The following ANO1 variants were observed in gnomAD, a reference collection of about 807,000 sequenced individuals.
The protein encoded by ANO1 is anoctamin 1, also known as anoctamin-1.
In ANO1, 59 loss-of-function variants were observed where a neutral mutation model predicts 124.0. The ratio of observed to expected loss-of-function variants is 0.48; its 90% CI spans 0.39 to 0.59. The LOEUF is 0.59. Among genes scored for constraint, ANO1 ranks in the 20% least tolerant of loss-of-function variants. The pLI, the probability that ANO1 is intolerant of heterozygous loss-of-function variation, is 0.00. For synonymous variants in ANO1, 529 were observed against 532.0 expected, an observed-to-expected ratio of 0.99 and a Z score of 0.08; for missense variants, 1,059 against 1,328.0, an observed-to-expected ratio of 0.80 and a Z score of 3.15.
At chr11:70,027,199 T>C (rs1352936010) in intron 1 of ANO1, among the ~76,000 whole-genome samples, 1 of 152,178 alleles carries the variant, frequency 6.6e-6, no homozygotes, top group Admixed American at 6.5e-5. Context: ...ATAAACTCAT[T>C]GTAAGTTGAA....
chr11:70,126,913 A>G (rs1422596518), intron 10 of ANO1, among the ~76,000 whole-genome samples: 28 of 65,996 alleles, frequency 4.2e-4, no homozygotes, highest in East Asian at 1.1e-3. Context: ...AGGCCTCGGT[A>G]CAGGCTGGTG....
rs1209961671 is a variant in ANO1 at position 70,031,648 on chromosome 11, G to A, written c.58+45482G>A. 2.3e-4 allele frequency among the ~76,000 whole-genome samples: 35 copies of A among 151,840 alleles called. 1 individual carries two copies. The highest frequency in any genetic ancestry group is 2.2e-3 in the Admixed American group (34 of 15,214). ...GGGAGGGACCTCGTGCCCAAGCCAG[G>A]GGGATGAGGGTACAGAGATGAGCAG... is the stretch of plus-strand genomic sequence containing the variant. On this transcript the variant is annotated intron_variant, in intron 1 of 27. Transcript: ENST00000531349.
chr11:70,105,911 T>C, intron 5 of ANO1, 123 bp downstream of exon 5: 1 of 1,049,996 alleles, frequency 9.5e-7, no homozygotes, highest in Non-Finnish European at 1.4e-6. Context: ...GTGACAGAAA[T>C]AATTAGAATA....
the ANO1 span, among the ~76,000 whole-genome samples, chr11:69,977,791 G>A: frequency 1.3e-5 from 2 of 152,244 alleles, no homozygotes; most frequent in Non-Finnish European, 2.9e-5. Context: ...TGAAGACAGG[G>A]GCAGAGGCTG....
chr11:70,136,616 G>C (rs1385091330), intron 11 of ANO1, among the ~76,000 whole-genome samples: 1 of 147,464 alleles, frequency 6.8e-6, no homozygotes, highest in African/African-American at 2.4e-5. Flanking sequence ...AGGGCCCAGG[G>C]AGAGTCAGGA....
At chr11:70,132,593 T>C (rs568189077) in intron 11 of ANO1, among the ~76,000 whole-genome samples, 68 of 152,336 alleles carry the variant, frequency 4.5e-4, no homozygotes, top group African/African-American at 1.6e-3. Flanking sequence ...CAGCTCCTGA[T>C]TGCCACTGGG....
intron 22 of ANO1, among the ~76,000 whole-genome samples, chr11:70,179,740 G>A (rs2048863242): frequency 6.6e-6 from 1 of 152,230 alleles, no homozygotes; most frequent in Non-Finnish European, 1.5e-5. Flanking sequence ...GGGAGATTGT[G>A]CAGAACCACT....
intron 1 of ANO1, among the ~76,000 whole-genome samples, chr11:70,032,784 G>A (rs1457736541): frequency 6.6e-6 from 1 of 152,064 alleles, no homozygotes; most frequent in Non-Finnish European, 1.5e-5. Flanking sequence ...AGATGATGCA[G>A]GTTCTTTGTA....
chr11:70,113,672 G>A (rs1468778035), intron 7 of ANO1, among the ~76,000 whole-genome samples: 1 of 152,082 alleles, frequency 6.6e-6, no homozygotes, highest in African/African-American at 2.4e-5. Context: ...CTGAGGCACC[G>A]AAGCCAAAAT....
At chr11:70,051,063 T>A (rs1236984859) in intron 1 of ANO1, among the ~76,000 whole-genome samples, 1 of 152,206 alleles carries the variant, frequency 6.6e-6, no homozygotes, top group African/African-American at 2.4e-5. Context: ...GTACAGATCA[T>A]AATTTTACAG....
intron 1 of ANO1, among the ~76,000 whole-genome samples, chr11:70,036,161 C>T (rs1857090194): frequency 6.6e-6 from 1 of 152,156 alleles, no homozygotes; most frequent in Non-Finnish European, 1.5e-5. Flanking sequence ...GCCAATCAGG[C>T]CACACTCCCT....
At chr11:69,991,064 C>T (rs782132888) in intron 1 of ANO1, among the ~76,000 whole-genome samples, 7 of 152,148 alleles carry the variant, frequency 4.6e-5, no homozygotes, top group Non-Finnish European at 1.0e-4. Context: ...TGATCTACCC[C>T]GATGTTTTCC....
At chr11:70,022,600 C>T (rs1317633357) in intron 1 of ANO1, among the ~76,000 whole-genome samples, 7 of 132,028 alleles carry the variant, frequency 5.3e-5, no homozygotes, top group Middle Eastern at 3.6e-3. Flanking sequence ...AGTGAGACTC[C>T]ATCTCAAAAA....
At chr11:70,038,887 A>G (rs1167207575) in intron 1 of ANO1, among the ~76,000 whole-genome samples, 1 of 152,188 alleles carries the variant, frequency 6.6e-6, no homozygotes, top group African/African-American at 2.4e-5. Context: ...TGAGTGTGAG[A>G]GGAGTGTGTA....
chr11:69,988,312 T>C (rs782650987), intron 1 of ANO1, among the ~76,000 whole-genome samples: 3 of 152,094 alleles, frequency 2.0e-5, no homozygotes, highest in Non-Finnish European at 4.4e-5. Flanking sequence ...GAGCCCCAAT[T>C]CTAGAGCCAG....
Position 70,088,034 on chromosome 11 carries a change from T to C in ANO1, c.391T>C (p.Tyr131His). 6.8e-7 allele frequency: 1 copy of C among 1,469,922 alleles called. No individual in the cohort carries two copies. Among genetic ancestry groups the C allele is most frequent in the Non-Finnish European group, 9.0e-7 (1 of 1,111,892 alleles). The allele number at this position is 1,469,922 out of a possible 1,614,324, so 91.1% of individuals were successfully genotyped here. ...TGACAAGCGCTTCCGCAGGGAGGAG[T>C]ACGAGGGCAACCTCCTGGAGGCGGG... ...EDDKRFRREEYEGNLLEAGLE... is the reference protein window; with the variant it reads ...EDDKRFRREEHEGNLLEAGLE... The change falls in exon 2 of 26, where the codon TAC (tyrosine) becomes CAC (histidine). Residue 131 changes from tyrosine to histidine, a missense_variant. Coordinates refer to ENST00000355303, the MANE Select transcript of ANO1 (RefSeq NM_018043.7).
chr11:70,111,832 C>G (rs1387962926), intron 7 of ANO1, 70 bp downstream of exon 7: 31 of 1,506,952 alleles, frequency 2.1e-5, no homozygotes, highest in South Asian at 6.8e-5. Context: ...GCCACACCCC[C>G]CCGGGAGCTG....
chr11:70,052,832 C>T (rs1452740393), intron 1 of ANO1, among the ~76,000 whole-genome samples: 1 of 152,022 alleles, frequency 6.6e-6, no homozygotes, highest in African/African-American at 2.4e-5. Flanking sequence ...TGGGCTTAAG[C>T]CACTGCGCCC....
chr11:69,978,377 C>T, the ANO1 span, among the ~76,000 whole-genome samples: 1 of 152,068 alleles, frequency 6.6e-6, no homozygotes, highest in East Asian at 1.9e-4. Flanking sequence ...TGAGACAGGC[C>T]TCACTCCCGG....
Sources: allele counts gnomAD v4.1 joint callset (sites outside exome capture counted in the v4.1 genomes callset), GRCh38; gene constraint gnomAD v4.1.1; transcripts MANE v1.5; gene names NCBI Gene and HGNC (gene_info 2026-07-23, HGNC 2026-07-21).